Variants in LOC131768270 observed in about 807,000 individuals in gnomAD.
the LOC131768270 span, chr5:140,567,001 T>A: frequency 9.5e-7 from 1 of 1,055,238 alleles, no homozygotes; most frequent in Non-Finnish European, 1.4e-6. Flanking sequence ...CACCAGCCCC[T>A]TACTCTTCAA....
chr5:140,567,987 A>C, the LOC131768270 span: 1 of 1,614,130 alleles, frequency 6.2e-7, no homozygotes, highest in Non-Finnish European at 8.5e-7. Context: ...GTCATGAAGC[A>C]TGGCAGCAGC....
At chr5:140,567,870 G>T in the LOC131768270 span, 4 of 1,614,096 alleles carry the variant, frequency 2.5e-6, no homozygotes, top group Non-Finnish European at 3.4e-6. Flanking sequence ...CTGAATCTAG[G>T]TCTGCATGCT....
At chr5:140,567,202 G>T in the LOC131768270 span, 3 of 1,613,386 alleles carry the variant, frequency 1.9e-6, no homozygotes, top group Non-Finnish European at 2.5e-6. Context: ...TGCCAGGCCT[G>T]GGCCGTCCCA....
the LOC131768270 span, chr5:140,567,765 C>G: frequency 6.2e-7 from 1 of 1,614,108 alleles, no homozygotes; most frequent in Admixed American, 1.7e-5. Flanking sequence ...TGCCTCATCT[C>G]AGGCTTGTCG....
the LOC131768270 span, chr5:140,568,382 C>A: frequency 2.1e-4 from 129 of 611,818 alleles, 2 homozygotes; most frequent in South Asian, 2.7e-3. Context: ...CCACCCCCAA[C>A]CAAGTTCTTC....
At chr5:140,569,095 CA>C in the LOC131768270 span, 1 of 167,204 alleles carries the variant, frequency 6.0e-6, no homozygotes, top group African/African-American at 2.4e-5. Flanking sequence ...CCTACAACCA[CA>C]GCCATGATTG....
chr5:140,565,460 C>A, the LOC131768270 span: 1 of 157,390 alleles, frequency 6.4e-6, no homozygotes, highest in African/African-American at 2.4e-5. Flanking sequence ...AGAAGCTCAG[C>A]ATTACCCACA....
the LOC131768270 span, chr5:140,567,732 G>A: frequency 2.5e-6 from 4 of 1,614,116 alleles, no homozygotes; most frequent in Non-Finnish European, 2.5e-6. Context: ...ACTCCGCTAG[G>A]CCTGCTGCTC....
chr5:140,566,844 C>T, the LOC131768270 span: 148 of 606,944 alleles, frequency 2.4e-4, 2 homozygotes, highest in South Asian at 2.8e-3. Flanking sequence ...AGCTGTCATC[C>T]ATTTGCTATC....
the LOC131768270 span, chr5:140,567,082 C>T: frequency 6.3e-7 from 1 of 1,598,184 alleles, no homozygotes; most frequent in South Asian, 1.1e-5. Flanking sequence ...ACGGCTTCTC[C>T]TTCCTGGGAG....
chr5:140,566,322 G>A, the LOC131768270 span, among the ~76,000 whole-genome samples: 1 of 152,166 alleles, frequency 6.6e-6, no homozygotes, highest in African/African-American at 2.4e-5. Flanking sequence ...GGGCATCTCT[G>A]ACCTTGTGTG....
At chr5:140,567,003 A>T in the LOC131768270 span, 1 of 1,060,070 alleles carries the variant, frequency 9.4e-7, no homozygotes, top group Non-Finnish European at 1.4e-6. Context: ...CCAGCCCCTT[A>T]CTCTTCAAGC....
chr5:140,566,694 T>G, the LOC131768270 span: 30 of 569,936 alleles, frequency 5.3e-5, no homozygotes, highest in Non-Finnish European at 2.8e-5. Context: ...GGCTCAGGCA[T>G]ATGCTGTGCC....
At chr5:140,567,808 G>A in the LOC131768270 span, 13 of 1,614,104 alleles carry the variant, frequency 8.1e-6, no homozygotes, top group African/African-American at 1.3e-5. Flanking sequence ...TGAAGCGACA[G>A]CGGCTGCCCC....
chr5:140,568,314 AG>A, the LOC131768270 span: 1 of 1,060,048 alleles, frequency 9.4e-7, no homozygotes, highest in Non-Finnish European at 1.4e-6. Flanking sequence ...TGGTGGATGA[AG>A]GGGTACCCCT....
chr5:140,565,137 C>T, the LOC131768270 span: 5 of 380,266 alleles, frequency 1.3e-5, no homozygotes, highest in South Asian at 1.5e-4. Flanking sequence ...ACACTCCTCA[C>T]TTTACCCCAT....
At chr5:140,568,602 G>A in the LOC131768270 span, 1 of 199,448 alleles carries the variant, frequency 5.0e-6, no homozygotes, top group Non-Finnish European at 1.1e-5. Flanking sequence ...CTTCCATAAG[G>A]GATCCTCACC....
the LOC131768270 span, chr5:140,567,503 C>T: frequency 1.2e-5 from 20 of 1,614,190 alleles, no homozygotes; most frequent in Non-Finnish European, 1.6e-5. Context: ...TTACATGGAC[C>T]CCAGCACCTA....
the LOC131768270 span, chr5:140,567,187 G>C: frequency 6.2e-7 from 1 of 1,613,350 alleles, no homozygotes; most frequent in Non-Finnish European, 8.5e-7. Context: ...TAGAGGATGG[G>C]GGTATGCCAG....
Sources: gnomAD v4.1 joint callset for allele counts (sites outside exome capture counted in the v4.1 genomes callset) on GRCh38, gnomAD v4.1.1 for gene constraint, MANE v1.5 for transcripts.